Variants in MYO18B observed in about 807,000 individuals in gnomAD.
MYO18B encodes unconventional myosin-XVIIIb.
MYO18B carries 204 observed loss-of-function variants against 273.0 expected under a neutral mutation model. The observed-to-expected ratio is 0.75, with a 90% CI of 0.67 to 0.84. The LOEUF (loss-of-function observed/expected upper bound fraction) is 0.84, where lower values mean the gene tolerates loss of function less well. Among genes scored for constraint, MYO18B ranks in the 40% least tolerant of loss-of-function variants. The probability of loss-of-function intolerance (pLI) is 0.00; values close to 1 mark genes in which losing one functional copy is unlikely to be tolerated. For missense variants in MYO18B, 3,212 were observed against 3,287.6 expected (o/e 0.98, Z 0.56); for synonymous variants, 1,330 against 1,305.7 (o/e 1.02, Z -0.40).
chr22:25,773,850 A>G (rs991816768), intron 7 of MYO18B, among the ~76,000 whole-genome samples: 2 of 152,336 alleles, frequency 1.3e-5, no homozygotes, highest in East Asian at 1.9e-4. Context: ...TAGCAGAGCA[A>G]TGACATGCTG....
chr22:25,845,241 G>A (rs983224448), intron 18 of MYO18B, among the ~76,000 whole-genome samples: 11 of 152,192 alleles, frequency 7.2e-5, no homozygotes, highest in Non-Finnish European at 8.8e-5. Flanking sequence ...ACCCTTGGCC[G>A]GGCGCGGTGG....
rs140940906 is a variant in MYO18B, at chr22:25,932,570, G to A, written c.5517+11161G>A. ...ATTATAGGCATGCGTCACCATGCCC[G>A]GCTAATTTTTTGTATTTTTAGTAGA... On this transcript the variant is annotated intron_variant, in intron 34 of 43. Transcript: ENST00000335473. Among the ~76,000 whole-genome samples, 562 of 151,828 alleles carry A rather than the reference G, an allele frequency of 3.7e-3. 2 individuals are homozygous for A. Among genetic ancestry groups the A allele is most frequent in the Middle Eastern group, 0.01 (3 of 290 alleles).
At chr22:25,985,255 G>T (rs1195205503) in intron 39 of MYO18B, among the ~76,000 whole-genome samples, 1 of 152,154 alleles carries the variant, frequency 6.6e-6, no homozygotes, top group South Asian at 2.1e-4. Flanking sequence ...CAGCTGTTTG[G>T]GGGGCTGAGG....
intron 20 of MYO18B, among the ~76,000 whole-genome samples, chr22:25,848,315 C>T (rs755085143): frequency 1.4e-4 from 22 of 152,260 alleles, no homozygotes; most frequent in Middle Eastern, 6.8e-3. Context: ...GAGCTTCCTA[C>T]TCTCACTGGG....
Position 25,851,502 on chromosome 22 carries a change from C to T in MYO18B, c.3808C>T (p.Arg1270Cys), listed in dbSNP as rs371063606. Residue 1270 changes from arginine (R) to cysteine (C), a missense_variant, in exon 21 of 44, where the codon CGC (arginine) becomes TGC (cysteine). Coordinates refer to ENST00000335473, the MANE Select transcript of MYO18B (RefSeq NM_032608.7). ...TGACCACATGGGGCTCACTCGCTTC[C>T]GCCGGCAATTCCAGGTGCTGGACGC... ...YADHMGLTRF[R>C]RQFQVLDAPL... The T allele has an allele frequency of 2.2e-5, 35 of 1,559,158 alleles. No individual in the cohort carries two copies. Among genetic ancestry groups the T allele is most frequent in the African/African-American group, 1.4e-4 (10 of 73,398 alleles).
intron 33 of MYO18B, among the ~76,000 whole-genome samples, chr22:25,916,543 T>C (rs1569186908): frequency 6.6e-6 from 1 of 152,244 alleles, no homozygotes; most frequent in Non-Finnish European, 1.5e-5. Flanking sequence ...TTGTTCTTTT[T>C]TTCTTTTAAC....
At chr22:25,956,323 C>A (rs2092851177) in intron 39 of MYO18B, among the ~76,000 whole-genome samples, 2 of 151,216 alleles carry the variant, frequency 1.3e-5, no homozygotes, top group South Asian at 4.2e-4. Flanking sequence ...TCAAGCGATT[C>A]TCGTGGCTCA....
chr22:25,842,696 T>G (rs532370306), intron 17 of MYO18B, among the ~76,000 whole-genome samples: 110 of 145,252 alleles, frequency 7.6e-4, no homozygotes, highest in Middle Eastern at 3.5e-3. Flanking sequence ...AAAAAAAAAT[T>G]CATCTGGGGC....
intron 11 of MYO18B, among the ~76,000 whole-genome samples, chr22:25,795,209 G>A (rs1171528115): frequency 6.6e-6 from 1 of 152,166 alleles, no homozygotes; most frequent in Non-Finnish European, 1.5e-5. Flanking sequence ...CTGTTCACTT[G>A]ACTTCTTTCT....
In MYO18B at chr22:25,884,349, T is replaced by A. The variant is rs140477995; in HGVS notation, c.4314+6301T>A. ...GGTCTCCTGACTCCTCGCTCCATAG[T>A]CCTGCCACAGCATCATGCTTCTGTG... On this transcript the variant is annotated intron_variant, in intron 25 of 43. Transcript: ENST00000335473. 7.5e-3 allele frequency among the ~76,000 whole-genome samples: 1,142 copies of A among 152,252 alleles called. 7 individuals are homozygous for A. Among genetic ancestry groups the A allele is most frequent in the Non-Finnish European group, 0.011 (774 of 68,014 alleles).
rs764350635 is a variant in MYO18B, at chr22:26,026,426, A to G, written c.6471-19A>G. On this transcript the variant is annotated intron_variant, in intron 42 of 43. Transcript: ENST00000335473. ...GAATTGCACAATTTCTACAGACTGCATTTTTCTTCTTGGCACAGGATAAAC... is the reference window on the plus strand; with the variant it reads ...GAATTGCACAATTTCTACAGACTGCGTTTTTCTTCTTGGCACAGGATAAAC... 2 of 1,585,624 alleles carry G rather than the reference A, an allele frequency of 1.3e-6. No individual in the cohort carries two copies. The highest frequency in any genetic ancestry group is 1.1e-5 in the South Asian group (1 of 87,638).
chr22:25,898,404 G>A lies in MYO18B; in HGVS notation c.4766G>A (p.Cys1589Tyr), dbSNP rs375717740. ...HHLTCDLEDT[C>Y]VLLENQQSRN... ...CTTACCTGTGACCTTGAGGATACCT[G>A]CGTCCTGCTAGAGAACCAACAAAGT... The change falls in exon 29 of 44, where the codon TGC becomes TAC. Residue 1589 changes from cysteine (C) to tyrosine (Y), a missense_variant. Coordinates refer to ENST00000335473, the MANE Select transcript of MYO18B (RefSeq NM_032608.7). 1.2e-4 allele frequency: 201 copies of A among 1,613,918 alleles called. 2 individuals are homozygous for A. Among genetic ancestry groups the A allele is most frequent in the African/African-American group, 9.2e-4 (69 of 75,018 alleles).
intron 40 of MYO18B, among the ~76,000 whole-genome samples, chr22:25,998,001 G>A (rs562158861): frequency 6.7e-6 from 1 of 149,870 alleles, no homozygotes; most frequent in East Asian, 1.9e-4. Flanking sequence ...GAGAGAGAGA[G>A]ATGCTTCAGC....
At chr22:25,849,844 G>T (rs1188044171) in intron 20 of MYO18B, among the ~76,000 whole-genome samples, 1 of 152,202 alleles carries the variant, frequency 6.6e-6, no homozygotes, top group Non-Finnish European at 1.5e-5. Flanking sequence ...GGTTGTGGAA[G>T]AACACATAAT....
chr22:25,941,052 A>G (rs1174545843), intron 34 of MYO18B, among the ~76,000 whole-genome samples: 3 of 152,222 alleles, frequency 2.0e-5, no homozygotes, highest in Non-Finnish European at 4.4e-5. Context: ...AGCTATTGAA[A>G]GTGTTTTGGT....
chr22:25,912,812 G>A lies in MYO18B; in HGVS notation c.5364+1762G>A, dbSNP rs1396420530. On this transcript the variant is annotated intron_variant, in intron 33 of 43. Transcript: ENST00000335473. Reference sequence around the variant, plus strand: ...CCCTCCCCAGATGAAACCATTCCCCGGGGTTTGAGGTGTATAATTCCCCTG... The same window carrying A: ...CCCTCCCCAGATGAAACCATTCCCCAGGGTTTGAGGTGTATAATTCCCCTG... 2.6e-5 allele frequency among the ~76,000 whole-genome samples: 4 copies of A among 152,146 alleles called. No individual in the cohort carries two copies. The East Asian group carries it at 7.7e-4, about 29-fold the overall frequency.
intron 12 of MYO18B, among the ~76,000 whole-genome samples, chr22:25,813,156 TCTC>T (rs1407981527): frequency 6.8e-6 from 1 of 147,268 alleles, no homozygotes; most frequent in East Asian, 2.0e-4. Flanking sequence ...CCTTCTTCCT[TCTC>T]CTCCTCTTCT....
intron 39 of MYO18B, among the ~76,000 whole-genome samples, chr22:25,991,102 G>A (rs2093265643): frequency 1.3e-5 from 2 of 152,138 alleles, no homozygotes; most frequent in South Asian, 2.1e-4. Context: ...GTTGATGTCT[G>A]CCTAAGAGCA....
chr22:25,815,906 C>T (rs1049835973), intron 12 of MYO18B, among the ~76,000 whole-genome samples: 1 of 152,204 alleles, frequency 6.6e-6, no homozygotes, highest in Non-Finnish European at 1.5e-5. Flanking sequence ...GCTGTGTTCT[C>T]AGTTGTTAAG....
Sources: gnomAD v4.1 joint callset for allele counts (sites outside exome capture counted in the v4.1 genomes callset) on GRCh38, gnomAD v4.1.1 for gene constraint, MANE v1.5 for transcripts, NCBI Gene and HGNC (gene_info 2026-07-23, HGNC 2026-07-21) for gene names.